The following PAK3 variants were observed in gnomAD, a reference collection of about 807,000 sequenced individuals.
PAK3 encodes serine/threonine-protein kinase PAK 3.
PAK3 carries 4 observed loss-of-function variants against 41.0 expected under a neutral mutation model. The ratio of observed to expected loss-of-function variants is 0.10; its 90% CI spans 0.05 to 0.22. The LOEUF (loss-of-function observed/expected upper bound fraction) is 0.22, where lower values mean the gene tolerates loss of function less well. PAK3 is among the 10% of genes least tolerant of loss of function. PAK3 has a pLI of 1.00. For synonymous variants in PAK3, 146 were observed against 139.6 expected, an observed-to-expected ratio of 1.05 and a Z score of -0.32; for missense variants, 205 against 409.9, an observed-to-expected ratio of 0.50 and a Z score of 4.32.
intron 1 of PAK3, among the ~76,000 whole-genome samples, chrX:111,006,719 C>A (rs2091929835): frequency 9.0e-6 from 1 of 111,125 alleles, no homozygotes; most frequent in South Asian, 3.8e-4. Context: ...GTGTTTCTTC[C>A]ACTTTAATGC....
intron 1 of PAK3, among the ~76,000 whole-genome samples, chrX:110,961,960 ACTT>A (rs1452819793): frequency 9.0e-6 from 1 of 111,695 alleles, no homozygotes; most frequent in Non-Finnish European, 1.9e-5. Context: ...TTTACCTCCT[ACTT>A]CTTTGGCAGC....
At chrX:111,042,494 G>A (rs1447499176) in intron 1 of PAK3, among the ~76,000 whole-genome samples, 1 of 111,550 alleles carries the variant, frequency 9.0e-6, no homozygotes, top group Non-Finnish European at 1.9e-5. Flanking sequence ...CTTCAGAGTT[G>A]GGGCCCTGTA....
At chrX:111,039,995 A>C (rs375760009) in intron 1 of PAK3, among the ~76,000 whole-genome samples, 306 of 6,929 alleles carry the variant, frequency 0.044, no homozygotes, top group African/African-American at 0.048. Context: ...TAGATGGAGC[A>C]AAAAAAAAAA....
intron 1 of PAK3, among the ~76,000 whole-genome samples, chrX:110,994,788 C>T (rs2091711873): frequency 9.0e-6 from 1 of 111,396 alleles, no homozygotes; most frequent in African/African-American, 3.3e-5. Flanking sequence ...TTTATCCTTT[C>T]TGGGCCTAGT....
At chrX:111,081,606 A>G (rs772949175) in intron 1 of PAK3, among the ~76,000 whole-genome samples, 169 of 111,641 alleles carry the variant, frequency 1.5e-3, no homozygotes, top group African/African-American at 5.2e-3. Flanking sequence ...AACTGTTCTT[A>G]CTATAAAAAA....
chrX:111,085,021 T>A (rs2092868988), intron 1 of PAK3, among the ~76,000 whole-genome samples: 1 of 111,793 alleles, frequency 8.9e-6, no homozygotes, highest in Admixed American at 9.6e-5. Flanking sequence ...GGAGAGAATC[T>A]CCTTAGATGA....
At chrX:111,108,614 A>T (rs915460059) in intron 4 of PAK3, among the ~76,000 whole-genome samples, 4 of 112,594 alleles carry the variant, frequency 3.6e-5, no homozygotes, top group African/African-American at 1.3e-4. Context: ...CTGATGCCTG[A>T]TGATCTGAGA....
intron 8 of PAK3, among the ~76,000 whole-genome samples, chrX:111,156,547 G>A (rs758520376): frequency 4.1e-4 from 46 of 112,127 alleles, no homozygotes; most frequent in Non-Finnish European, 7.5e-4. Context: ...TTCGCAATGT[G>A]TATGTCTTTT....
In PAK3 at chrX:111,220,494, A is replaced by C. The variant is rs1299525549; in HGVS notation, c.*47A>C. ...CCATCTCCCTCATGAGTAAGACTGA[A>C]ATAAAACTCTGCTGCAGGAAAGATG... On this transcript the variant is annotated 3_prime_UTR_variant, in exon 18 of 18. Transcript: ENST00000372007. The C allele has an allele frequency of 1.2e-6, 1 of 826,683 alleles. No individual in the cohort carries two copies. The highest frequency in any genetic ancestry group is 1.8e-6 in the Non-Finnish European group (1 of 550,739). 68.1% of individuals were successfully genotyped at this position (826,683 alleles called of 1,213,427 possible).
intron 1 of PAK3, among the ~76,000 whole-genome samples, chrX:110,976,237 T>G (rs1426306449): frequency 1.8e-5 from 2 of 112,158 alleles, no homozygotes; most frequent in Non-Finnish European, 3.8e-5. Context: ...ATCCAGAATC[T>G]GCAAAGAACT....
chrX:111,028,614 A>T (rs1304462427), intron 1 of PAK3, among the ~76,000 whole-genome samples: 1 of 112,050 alleles, frequency 8.9e-6, no homozygotes, highest in Non-Finnish European at 1.9e-5. Flanking sequence ...ACCAATATGG[A>T]AGTCAGCTAG....
intron 16 of PAK3, among the ~76,000 whole-genome samples, chrX:111,211,897 G>T (rs1344003515): frequency 9.0e-6 from 1 of 110,737 alleles, no homozygotes; most frequent in Non-Finnish European, 1.9e-5. Context: ...TGTTAAGGAG[G>T]ATGGACTGAA....
chrX:111,011,585 G>T (rs2148708555), intron 1 of PAK3, among the ~76,000 whole-genome samples: 1 of 112,418 alleles, frequency 8.9e-6, no homozygotes, highest in East Asian at 2.8e-4. Flanking sequence ...TTCTTTTAAA[G>T]AATTATTAAG....
intron 6 of PAK3, among the ~76,000 whole-genome samples, chrX:111,147,347 T>C (rs897245976): frequency 8.9e-6 from 1 of 111,777 alleles, no homozygotes. Context: ...TCCATTGATC[T>C]GCACTTTACT....
At chrX:111,009,020 GT>G (rs998004927) in intron 1 of PAK3, among the ~76,000 whole-genome samples, 7 of 109,585 alleles carry the variant, frequency 6.4e-5, no homozygotes, top group East Asian at 5.8e-4. Context: ...GCCCCTGAGG[GT>G]TTTTTTTTAA....
intron 1 of PAK3, among the ~76,000 whole-genome samples, chrX:111,086,932 T>G (rs1202982057): frequency 8.9e-6 from 1 of 111,829 alleles, no homozygotes; most frequent in Non-Finnish European, 1.9e-5. Context: ...ATTAGCATAT[T>G]GGTAATTTGA....
In PAK3 at chrX:111,152,460, T is replaced by C. The variant is rs1408415469; in HGVS notation, c.468+13T>C. The C allele has an allele frequency of 2.7e-6, 3 of 1,103,748 alleles. No homozygotes were observed. The highest frequency in any genetic ancestry group is 3.8e-6 in the Non-Finnish European group (3 of 798,988). The allele number at this position is 1,103,748 out of a possible 1,213,427, so 91.0% of individuals were successfully genotyped here. A position where few individuals can be genotyped will look rare whatever the true frequency, so the allele number is the denominator to read the frequency against. On this transcript the variant is annotated intron_variant, in intron 8 of 17. Coordinates refer to ENST00000372007, the MANE Select transcript of PAK3 (RefSeq NM_002578.5). The stretch of plus-strand genomic sequence containing the variant: ...AGCCCATCCTTCGGTAAGTGAAAAA[T>C]TGAAAACTGTTTCACATGATTGGTG...
chrX:110,996,323 C>G (rs1602699225), intron 1 of PAK3, among the ~76,000 whole-genome samples: 1 of 112,015 alleles, frequency 8.9e-6, no homozygotes, highest in Admixed American at 9.5e-5. Context: ...AGGCACTACT[C>G]AAAACATGGA....
At chrX:111,134,019 A>G (rs1026816708) in intron 5 of PAK3, among the ~76,000 whole-genome samples, 3 of 112,079 alleles carry the variant, frequency 2.7e-5, no homozygotes, top group African/African-American at 9.7e-5. Context: ...CATCCAGTGA[A>G]TAGGCCCAAC....
Sources: allele counts gnomAD v4.1 joint callset (sites outside exome capture counted in the v4.1 genomes callset), GRCh38; gene constraint gnomAD v4.1.1; transcripts MANE v1.5; gene names NCBI Gene and HGNC (gene_info 2026-07-23, HGNC 2026-07-21).